Variants in KLHL13 observed in about 807,000 individuals in gnomAD.
KLHL13 encodes the protein kelch like family member 13.
KLHL13 carries 10 observed loss-of-function variants against 37.1 expected under a neutral mutation model. That is an observed-to-expected ratio of 0.27 (90% confidence interval 0.17 to 0.46). The LOEUF (loss-of-function observed/expected upper bound fraction) is 0.46. KLHL13 is among the 20% of genes least tolerant of loss of function. The probability of loss-of-function intolerance (pLI) is 1.00; values close to 1 mark genes in which losing one functional copy is unlikely to be tolerated. For missense variants in KLHL13, 360 were observed against 509.3 expected, an observed-to-expected ratio of 0.71 and a Z score of 2.82; for synonymous variants, 163 against 181.2, an observed-to-expected ratio of 0.90 and a Z score of 0.81.
intron 1 of KLHL13, among the ~76,000 whole-genome samples, chrX:118,022,528 A>G (rs188405795): frequency 7.2e-4 from 80 of 111,658 alleles, no homozygotes; most frequent in African/African-American, 2.6e-3. Context: ...ATAATGGCCA[A>G]CCTAATAGGT....
At chrX:118,031,925 T>C (rs2054355182) in intron 1 of KLHL13, among the ~76,000 whole-genome samples, 1 of 109,724 alleles carries the variant, frequency 9.1e-6, no homozygotes, top group South Asian at 3.9e-4. Context: ...ATTGCCTCAC[T>C]CAGGAAGCAC....
intron 2 of KLHL13, among the ~76,000 whole-genome samples, chrX:117,936,841 C>A (rs746024734): frequency 7.2e-5 from 8 of 111,768 alleles, no homozygotes; most frequent in Non-Finnish European, 1.3e-4. Context: ...TTATTATGCA[C>A]CTTATTTCCA....
At chrX:117,976,750 G>A (rs964969048), upstream of KLHL13, among the ~76,000 whole-genome samples, 16 of 111,592 alleles carry the variant, frequency 1.4e-4, no homozygotes, top group Admixed American at 1.4e-3. Flanking sequence ...GCTCTTCGAC[G>A]CATTTTATGA....
At chrX:117,943,520 C>T (rs1467959340) in intron 2 of KLHL13, among the ~76,000 whole-genome samples, 3 of 109,019 alleles carry the variant, frequency 2.8e-5, no homozygotes, top group East Asian at 2.9e-4. Context: ...AGGCTTTGTT[C>T]GTTTCTTTTC....
At chrX:118,016,612 T>C (rs764497825) in intron 1 of KLHL13, among the ~76,000 whole-genome samples, 3 of 111,913 alleles carry the variant, frequency 2.7e-5, no homozygotes, top group Admixed American at 9.5e-5. Context: ...AGTCACTCTC[T>C]GAAAGGGCTC....
intron 2 of KLHL13, among the ~76,000 whole-genome samples, chrX:117,943,728 T>C (rs1289317053): frequency 9.1e-6 from 1 of 109,538 alleles, no homozygotes; most frequent in Non-Finnish European, 1.9e-5. Flanking sequence ...GCAATTCCTA[T>C]AATTTTTTTC....
intron 1 of KLHL13, among the ~76,000 whole-genome samples, chrX:118,065,433 C>T (rs1298711947): frequency 1.8e-5 from 2 of 111,353 alleles, no homozygotes; most frequent in Non-Finnish European, 3.8e-5. Context: ...AATCTAACTA[C>T]CTTTGGGCCA....
intron 1 of KLHL13, among the ~76,000 whole-genome samples, chrX:118,053,792 T>A (rs2054644994): frequency 1.5e-5 from 1 of 66,914 alleles, no homozygotes; most frequent in African/African-American, 7.1e-5. Context: ...TGTGTGTGTG[T>A]GTGTGTGAGA....
At chrX:117,993,978 C>T (rs1263377701) in intron 1 of KLHL13, among the ~76,000 whole-genome samples, 1 of 110,259 alleles carries the variant, frequency 9.1e-6, no homozygotes, top group Non-Finnish European at 1.9e-5. Flanking sequence ...TCAGATGATC[C>T]ACCCACCTCG....
chrX:118,033,547 T>C (rs1427033142), intron 1 of KLHL13, among the ~76,000 whole-genome samples: 3 of 106,841 alleles, frequency 2.8e-5, no homozygotes, highest in African/African-American at 1.0e-4. Context: ...TGCTGAGAGA[T>C]TTTGTCACCA....
intron 1 of KLHL13, among the ~76,000 whole-genome samples, chrX:118,073,700 A>G (rs748776614): frequency 8.9e-6 from 1 of 112,241 alleles, no homozygotes; most frequent in Non-Finnish European, 1.9e-5. Flanking sequence ...TGTTTGGAAA[A>G]GAATGGTTAA....
exon 7 of KLHL13, chrX:117,898,591 T>G: frequency 5.4e-6 from 1 of 185,397 alleles, no homozygotes; most frequent in Non-Finnish European, 9.9e-6. Flanking sequence ...TTTACTAATG[T>G]AAGATGACAA....
At chrX:118,043,876 C>T in intron 1 of KLHL13, among the ~76,000 whole-genome samples, 1 of 111,371 alleles carries the variant, frequency 9.0e-6, no homozygotes, top group Non-Finnish European at 1.9e-5. Context: ...CAACATAGTA[C>T]AGGAAGTCCT....
In KLHL13 at chrX:118,021,319, C is replaced by T. The variant is rs777905614; in HGVS notation, c.-55-75744G>A. Among the ~76,000 whole-genome samples, 11 of 104,043 alleles carry T rather than the reference C, an allele frequency of 1.1e-4. No homozygotes were observed. In the East Asian group the frequency reaches 3.2e-3, roughly 30 times the overall value. 90.3% of individuals were successfully genotyped at this position (104,043 alleles called of 115,157 possible). A position where few individuals can be genotyped will look rare whatever the true frequency, so the allele number is the denominator to read the frequency against. The stretch of plus-strand genomic sequence containing the variant: ...GTTAGTTACATATGTATACATGTGC[C>T]ATGTTGGTTTGCTGCACCCATCAAC... On this transcript the variant is annotated intron_variant, in intron 1 of 6. Transcript: ENST00000371882.
intron 1 of KLHL13, among the ~76,000 whole-genome samples, chrX:118,102,575 C>A (rs1264921128): frequency 8.9e-6 from 1 of 112,338 alleles, no homozygotes; most frequent in Non-Finnish European, 1.9e-5. Flanking sequence ...TTCACCACTG[C>A]ATCCCCATCA....
intron 1 of KLHL13, among the ~76,000 whole-genome samples, chrX:118,039,382 G>C (rs1206767097): frequency 8.9e-6 from 1 of 112,211 alleles, no homozygotes; most frequent in African/African-American, 3.2e-5. Context: ...CTCAGGACAG[G>C]CAGCATTCAC....
At chrX:117,985,169 T>C in intron 1 of KLHL13, 3 of 776,100 alleles carry the variant, frequency 3.9e-6, no homozygotes, top group Non-Finnish European at 3.6e-6. Context: ...CAGCCACATA[T>C]GGAAATAACA....
chrX:117,941,748 CG>C (rs1569421693), intron 2 of KLHL13, among the ~76,000 whole-genome samples: 4 of 111,004 alleles, frequency 3.6e-5, no homozygotes, highest in African/African-American at 1.3e-4. Flanking sequence ...ATCTGGCTAG[CG>C]GTCTATCTAT....
chrX:117,917,003 C>A (rs1931405738), intron 4 of KLHL13, among the ~76,000 whole-genome samples: 1 of 111,244 alleles, frequency 9.0e-6, no homozygotes, highest in Non-Finnish European at 1.9e-5. Context: ...ATACACTGGG[C>A]TACTATTTTT....
Sources: gnomAD v4.1 joint callset for allele counts (sites outside exome capture counted in the v4.1 genomes callset) on GRCh38, gnomAD v4.1.1 for gene constraint, MANE v1.5 for transcripts, NCBI Gene and HGNC (gene_info 2026-07-23, HGNC 2026-07-21) for gene names.